Variants in MLLT1 observed in about 807,000 individuals in gnomAD.
The protein encoded by MLLT1 is MLLT1 super elongation complex subunit.
Under a neutral mutation model 55.1 loss-of-function variants are expected in MLLT1, and 11 were observed. The observed-to-expected ratio is 0.20, with a 90% CI of 0.13 to 0.33. The LOEUF (loss-of-function observed/expected upper bound fraction) is 0.33, where lower values mean the gene tolerates loss of function less well. Ranked by LOEUF, MLLT1 falls within the 10% of genes least tolerant of loss-of-function variation. The pLI is 1.00. For synonymous variants in MLLT1, 323 were observed against 320.1 expected, an observed-to-expected ratio of 1.01 and a Z score of -0.10; for missense variants, 536 against 760.6, an observed-to-expected ratio of 0.70 and a Z score of 3.47.
intron 3 of MLLT1, among the ~76,000 whole-genome samples, chr19:6,261,090 C>G (rs2144938581): frequency 6.6e-6 from 1 of 152,302 alleles, no homozygotes; most frequent in Non-Finnish European, 1.5e-5. Flanking sequence ...CCGGATACAG[C>G]TGGGGAGACT....
In MLLT1 at chr19:6,213,880, C is replaced by G. The variant is rs1277445663; in HGVS notation, c.1407+59G>C. 7 of 1,547,724 alleles carry G rather than the reference C, an allele frequency of 4.5e-6. No homozygotes were observed. The Admixed American group carries it at 1.3e-4, about 28-fold the overall frequency. Reference sequence around the variant, plus strand: ...GCCCCACAAACCCTCCTAGGACAGCCCGGCCCAGGGCTAAGCCCGGCCTCT... The same window carrying G: ...GCCCCACAAACCCTCCTAGGACAGCGCGGCCCAGGGCTAAGCCCGGCCTCT... On this transcript the variant is annotated intron_variant, in intron 9 of 11. Transcript: ENST00000252674.
At position 6,212,569 on chromosome 19, in the gene MLLT1, C is replaced by T. The variant is rs530847278; in HGVS notation, c.*473G>A. On this transcript the variant is annotated 3_prime_UTR_variant, in exon 12 of 12. Coordinates refer to ENST00000252674, the MANE Select transcript of MLLT1 (RefSeq NM_005934.4). ...GCCGGCGCTAGGTCTACACGGAGGA[C>T]GACGCAGACACACAGGCAGGGCCTT... is the stretch of plus-strand genomic sequence containing the variant. The T allele has an allele frequency of 1.2e-4, 126 of 1,087,700 alleles. No homozygotes were observed. The highest frequency in any genetic ancestry group is 1.3e-4 in the Non-Finnish European group (119 of 895,082). The allele number at this position is 1,087,700 out of a possible 1,614,324, so 67.4% of individuals were successfully genotyped here. A position where few individuals can be genotyped will look rare whatever the true frequency, so the allele number is the denominator to read the frequency against.
chr19:6,262,728 T>C lies in MLLT1; in HGVS notation c.194-418A>G, dbSNP rs1405497089. Among the ~76,000 whole-genome samples, 3 of 151,932 alleles carry C rather than the reference T, an allele frequency of 2.0e-5. No homozygotes were observed. Among genetic ancestry groups the C allele is most frequent in the Admixed American group, 6.6e-5 (1 of 15,242 alleles). ...GGCCACACACTCTACTGTCACCACC[T>C]CCAGCACGGGGGCTGAGCACCTGCT... On this transcript the variant is annotated intron_variant, in intron 2 of 11. Transcript: ENST00000252674. The surrounding 1 kb of genome is among the most constrained non-coding windows in gnomAD (Gnocchi z 4.4).
chr19:6,228,171 C>T (rs1442875139), intron 4 of MLLT1, among the ~76,000 whole-genome samples: 4 of 152,284 alleles, frequency 2.6e-5, no homozygotes, highest in East Asian at 1.9e-4. Context: ...AAACACGCCA[C>T]GGGAGGCCCT....
rs149579802 is a variant in MLLT1, at chr19:6,218,025, G to A, written c.1127C>T (p.Pro376Leu). Residue 376 changes from proline (P) to leucine (L), a missense_variant, in exon 7 of 12, where the codon CCG (proline) becomes CTG (leucine). By Grantham distance (98) the Pro-to-Leu change is moderately conservative. Around this residue, in one of 3 missense-constraint regions of MLLT1, gnomAD observed 449 missense variants for 489.0 expected, o/e 0.92. Coordinates refer to ENST00000252674, the MANE Select transcript of MLLT1 (RefSeq NM_005934.4). ...SFKSESAQSS[P>L]SNSSSSSDSS... ...GTCTGAGCTGGAGCTGGAGTTGGAC[G>A]GGCTTGACTGGGCAGACTTCACCCA... is the stretch of plus-strand genomic sequence containing the variant. 2.5e-4 allele frequency: 398 copies of A among 1,609,744 alleles called. No homozygotes were observed. Among genetic ancestry groups the A allele is most frequent in the Admixed American group, 3.5e-4 (21 of 59,572 alleles).
chr19:6,265,503 T>C (rs1239572713), intron 2 of MLLT1, among the ~76,000 whole-genome samples: 1 of 152,106 alleles, frequency 6.6e-6, no homozygotes, highest in Non-Finnish European at 1.5e-5. Context: ...AAACCCCATC[T>C]CTAATAAAAA....
At chr19:6,215,811 C>T (rs902255572) in intron 8 of MLLT1, among the ~76,000 whole-genome samples, 1 of 152,306 alleles carries the variant, frequency 6.6e-6, no homozygotes, top group Admixed American at 6.5e-5. Context: ...AAGGCCAGCA[C>T]GTTCTCCACT....
intron 4 of MLLT1, among the ~76,000 whole-genome samples, chr19:6,228,411 C>G (rs1431987915): frequency 6.6e-6 from 1 of 152,164 alleles, no homozygotes; most frequent in East Asian, 1.9e-4. Flanking sequence ...GAACTGGGAA[C>G]TGAACACGCA....
chr19:6,213,550 A>G, intron 10 of MLLT1, 142 bp from the exon 11 acceptor site: 3 of 990,666 alleles, frequency 3.0e-6, no homozygotes, highest in South Asian at 1.4e-5. Flanking sequence ...CCAAGGCTGC[A>G]GGGGCAGCCC....
chr19:6,233,279 G>A (rs531315578), intron 3 of MLLT1, among the ~76,000 whole-genome samples: 9 of 152,334 alleles, frequency 5.9e-5, no homozygotes, highest in East Asian at 1.9e-4. Context: ...TCCTGCGGCC[G>A]CCCAGGAGTC....
chr19:6,243,415 T>G lies in MLLT1; in HGVS notation c.277-12702A>C, dbSNP rs567052983. Among the ~76,000 whole-genome samples, 3 of 152,302 alleles carry G rather than the reference T, an allele frequency of 2.0e-5. No homozygotes were observed. The South Asian group carries it at 6.2e-4, about 32-fold the overall frequency. ...CCTGTTTGGCAGCCACTGAATTCCT[T>G]CTGGGAGAGATGGAGCCAGGTCTGC... On this transcript the variant is annotated intron_variant, in intron 3 of 11. Transcript: ENST00000252674.
chr19:6,236,868 C>T (rs865955043), intron 3 of MLLT1, among the ~76,000 whole-genome samples: 5 of 152,202 alleles, frequency 3.3e-5, no homozygotes, highest in East Asian at 1.9e-4. Context: ...ACACCCTTAG[C>T]GACTCCAGCC....
chr19:6,249,013 T>G (rs1230581270), intron 3 of MLLT1, among the ~76,000 whole-genome samples: 1 of 152,176 alleles, frequency 6.6e-6, no homozygotes, highest in Non-Finnish European at 1.5e-5. Context: ...GCAGCTTGGG[T>G]GTGTGAATCT....
chr19:6,212,843 C>G lies in MLLT1; in HGVS notation c.*199G>C. The G allele has an allele frequency of 1.1e-6, 1 of 938,480 alleles. No homozygotes were observed. The highest frequency in any genetic ancestry group is 1.5e-6 in the Non-Finnish European group (1 of 667,016). The allele number at this position is 938,480 out of a possible 1,614,324, so 58.1% of individuals were successfully genotyped here. ...GGGGGCGGCTCCCGTGTGGCCCAGC[C>G]CGGCCCCAGGGCTCCTGGCGATGGA... On this transcript the variant is annotated 3_prime_UTR_variant, in exon 12 of 12. Transcript: ENST00000252674.
At chr19:6,276,489 G>C (rs2091428902) in intron 1 of MLLT1, among the ~76,000 whole-genome samples, 1 of 152,152 alleles carries the variant, frequency 6.6e-6, no homozygotes, top group Non-Finnish European at 1.5e-5. Flanking sequence ...CCAGCAAGCA[G>C]CAATTCGAGC....
chr19:6,213,437 G>T (rs778159991), intron 10 of MLLT1, 29 bp from the exon 11 acceptor site: 2 of 1,560,984 alleles, frequency 1.3e-6, no homozygotes, highest in South Asian at 1.1e-5. Flanking sequence ...TCTCAGCAGC[G>T]TGTGGGGGCC....
In MLLT1 at chr19:6,230,929, T is replaced by C. The variant is rs1323114759; in HGVS notation, c.277-216A>G. Among the ~76,000 whole-genome samples, 1 of 152,198 alleles carries C rather than the reference T, an allele frequency of 6.6e-6. No individual in the cohort carries two copies. Among genetic ancestry groups the C allele is most frequent in the Non-Finnish European group, 1.5e-5 (1 of 68,032 alleles). On this transcript the variant is annotated intron_variant, in intron 3 of 11. Coordinates refer to ENST00000252674, the MANE Select transcript of MLLT1 (RefSeq NM_005934.4). This position sits in a 1 kb window ranked among gnomAD's most constrained non-coding sequence, Gnocchi z 9.0. ...AGCTAACTGGGTCTTGCAGGCCCCA[T>C]GGCAGAAAGAAAGCTCATTCATAGC...
rs2090765470 is a variant in MLLT1, at chr19:6,211,159, C to T, written c.*1883G>A. 4.3e-6 allele frequency: 1 copy of T among 232,546 alleles called. No individual in the cohort carries two copies. The highest frequency in any genetic ancestry group is 8.5e-6 in the Non-Finnish European group (1 of 117,594). The allele number at this position is 232,546 out of a possible 1,614,324, so 14.4% of individuals were successfully genotyped here. A position where few individuals can be genotyped will look rare whatever the true frequency, so the allele number is the denominator to read the frequency against. ...TAGAGCTCCCAGCAGCACGGGCCCC[C>T]GGTCAGCCCCCCTCAGGCCAGTTCC... On this transcript the variant is annotated 3_prime_UTR_variant, in exon 12 of 12. Transcript: ENST00000252674. The surrounding 1 kb of genome is among the most constrained non-coding windows in gnomAD (Gnocchi z 4.6).
chr19:6,246,601 C>A (rs1007911987), intron 3 of MLLT1, among the ~76,000 whole-genome samples: 21 of 151,774 alleles, frequency 1.4e-4, no homozygotes, highest in African/African-American at 4.6e-4. Flanking sequence ...GAATGGCAAA[C>A]AGATGAGCGG....
Sources: allele counts gnomAD v4.1 joint callset (sites outside exome capture counted in the v4.1 genomes callset), GRCh38; gene constraint gnomAD v4.1.1; regional missense constraint gnomAD v4.1.1; non-coding constraint Gnocchi (gnomAD v3.1); transcripts MANE v1.5; gene names NCBI Gene and HGNC (gene_info 2026-07-23, HGNC 2026-07-21).